The following SNX29 variants were observed in gnomAD, a reference collection of about 807,000 sequenced individuals.
SNX29 encodes the protein sorting nexin-29.
In SNX29, 78 loss-of-function variants were observed where a neutral mutation model predicts 102.1. The observed-to-expected ratio is 0.76, with a 90% CI of 0.64 to 0.92. The LOEUF (loss-of-function observed/expected upper bound fraction) is 0.92, where lower values mean the gene tolerates loss of function less well. Ranked by LOEUF, SNX29 falls within the 40% of genes least tolerant of loss-of-function variation. The probability of loss-of-function intolerance (pLI) is 0.00; values close to 1 mark genes in which losing one functional copy is unlikely to be tolerated. For missense variants in SNX29, 1,280 were observed against 1,061.7 expected, an observed-to-expected ratio of 1.21 and a Z score of -2.86; for synonymous variants, 580 against 414.5, an observed-to-expected ratio of 1.40 and a Z score of -4.85.
In SNX29 at chr16:12,303,304, G is replaced by T. The variant is rs558584027; in HGVS notation, c.1782+25268G>T. ...CAGGAGAAACACAGCCATGTTCACA[G>T]CATCGCTCACGATGGCAAAACATTC... On this transcript the variant is annotated intron_variant, in intron 15 of 20. Transcript: ENST00000566228. Among the ~76,000 whole-genome samples, 20 of 152,334 alleles carry T rather than the reference G, an allele frequency of 1.3e-4. No homozygotes were observed. In the South Asian group the frequency reaches 4.1e-3, roughly 32 times the overall value.
At chr16:12,072,874 A>G (rs2051366892) in intron 10 of SNX29, among the ~76,000 whole-genome samples, 2 of 152,060 alleles carry the variant, frequency 1.3e-5, no homozygotes, top group Admixed American at 6.6e-5. Flanking sequence ...CAGAGATTCA[A>G]CTTCTTCCTG....
At position 12,477,770 on chromosome 16, in the gene SNX29, G is replaced by A. The variant is rs2087723322; in HGVS notation, c.2089G>A (p.Glu697Lys). The change falls in exon 19 of 21, where the codon GAG becomes AAG. Residue 697 changes from glutamate (E) to lysine (K), a missense_variant. By Grantham distance (56) the Glu-to-Lys change is moderately conservative (BLOSUM62 1). Transcript: ENST00000566228. ...ATGGAATATTTATCGCCGGTATACA[G>A]AGTTCAGGAGTTTGCACCACAAGTT... ...DEWNIYRRYT[E>K]FRSLHHKLQN... 6.2e-7 allele frequency: 1 copy of A among 1,613,258 alleles called. No individual in the cohort carries two copies. Among genetic ancestry groups the A allele is most frequent in the Non-Finnish European group, 8.5e-7 (1 of 1,179,716 alleles).
chr16:12,126,316 T>C (rs532939585), intron 11 of SNX29, among the ~76,000 whole-genome samples: 1 of 152,352 alleles, frequency 6.6e-6, no homozygotes. Flanking sequence ...TACTGAATTC[T>C]TACAACACTT....
At chr16:12,544,780 T>G (rs1430188925) in intron 20 of SNX29, among the ~76,000 whole-genome samples, 1 of 152,196 alleles carries the variant, frequency 6.6e-6, no homozygotes, top group African/African-American at 2.4e-5. Context: ...GCTGGTAAAC[T>G]GCAGAGCCAG....
At chr16:12,456,924 G>T (rs1470319124) in intron 18 of SNX29, among the ~76,000 whole-genome samples, 1 of 152,128 alleles carries the variant, frequency 6.6e-6, no homozygotes, top group Non-Finnish European at 1.5e-5. Context: ...TCTGCCGATG[G>T]CCTCCAGAGA....
At chr16:12,559,882 G>GGCAGGAGAATGGCATGAAT (rs1358177113) in intron 20 of SNX29, among the ~76,000 whole-genome samples, 6 of 152,302 alleles carry the variant, frequency 3.9e-5, no homozygotes, top group Non-Finnish European at 8.8e-5. Flanking sequence ...CAGAGGCTGA[G>GGCAGGAGAATGGCATGAAT]GCAGGAGAAT....
chr16:12,348,654 A>T (rs2081899461), intron 15 of SNX29, among the ~76,000 whole-genome samples: 1 of 152,038 alleles, frequency 6.6e-6, no homozygotes, highest in Non-Finnish European at 1.5e-5. Context: ...GTACCTTGAG[A>T]TGCTAGCTCA....
intron 20 of SNX29, among the ~76,000 whole-genome samples, chr16:12,531,213 C>T (rs903296831): frequency 6.6e-6 from 1 of 152,108 alleles, no homozygotes; most frequent in East Asian, 1.9e-4. Context: ...GCAGGGAGCC[C>T]CAAGTCATCC....
intron 20 of SNX29, among the ~76,000 whole-genome samples, chr16:12,537,033 A>G (rs1292610205): frequency 1.3e-5 from 2 of 152,210 alleles, no homozygotes; most frequent in Non-Finnish European, 2.9e-5. Flanking sequence ...GGGAGCACAC[A>G]GCAAGCACAT....
intron 20 of SNX29, among the ~76,000 whole-genome samples, chr16:12,551,030 A>C (rs780631267): frequency 4.6e-5 from 7 of 152,192 alleles, no homozygotes; most frequent in Non-Finnish European, 7.3e-5. Flanking sequence ...ATGGGCTTCT[A>C]AACAAGGTGT....
intron 14 of SNX29, among the ~76,000 whole-genome samples, chr16:12,268,425 C>T (rs533219895): frequency 6.6e-5 from 10 of 152,360 alleles, no homozygotes; most frequent in East Asian, 1.9e-4. Flanking sequence ...TCTGTTTCAT[C>T]GCAGAGCTCC....
At chr16:12,412,101 C>T (rs989455775) in intron 18 of SNX29, among the ~76,000 whole-genome samples, 5 of 152,116 alleles carry the variant, frequency 3.3e-5, no homozygotes, top group East Asian at 1.9e-4. Flanking sequence ...AGTTCAAGGG[C>T]GGTTACATGA....
chr16:12,553,604 C>G (rs914334245), intron 20 of SNX29, among the ~76,000 whole-genome samples: 1 of 127,080 alleles, frequency 7.9e-6, no homozygotes, highest in African/African-American at 2.9e-5. Context: ...CCCCCCACCC[C>G]TGCAAGATGG....
At position 12,573,414 on chromosome 16, in the gene SNX29, AAG is replaced by A. The variant is rs1410525999; in HGVS notation, c.*4787_*4788del. ...AGCTAGTTTCTATAGAGAAGTGAAA[AAG>A]AAATCTGGCTTCCTTAATAAGATAG... On this transcript the variant is annotated 3_prime_UTR_variant, in exon 21 of 21. Transcript: ENST00000566228. 7 of 223,422 alleles carry A rather than the reference AAG, an allele frequency of 3.1e-5. No individual in the cohort carries two copies. Among genetic ancestry groups the A allele is most frequent in the South Asian group, 1.8e-4 (1 of 5,444 alleles). The allele number at this position is 223,422 out of a possible 1,614,324, so 13.8% of individuals were successfully genotyped here.
chr16:12,572,835 G>GCCTCAT lies in SNX29; in HGVS notation c.*4207_*4212dup. ...GTTAGGAGGCATCCCAGAAGGGGCA[G>GCCTCAT]CCTCATGCCCAGGTTTCAGCCCTAA... On this transcript the variant is annotated 3_prime_UTR_variant, in exon 21 of 21. Transcript: ENST00000566228. 9.4e-7 allele frequency: 1 copy of GCCTCAT among 1,063,928 alleles called. No individual in the cohort carries two copies. Among genetic ancestry groups the GCCTCAT allele is most frequent in the Non-Finnish European group, 1.1e-6 (1 of 878,386 alleles). 65.9% of individuals were successfully genotyped at this position (1,063,928 alleles called of 1,614,324 possible).
At chr16:12,464,939 A>G (rs945468158) in intron 18 of SNX29, among the ~76,000 whole-genome samples, 2 of 152,232 alleles carry the variant, frequency 1.3e-5, no homozygotes, top group Admixed American at 1.3e-4. Flanking sequence ...GAGAAGGGCC[A>G]TCCTAACAGG....
intron 20 of SNX29, among the ~76,000 whole-genome samples, chr16:12,548,121 C>G (rs1006757175): frequency 3.3e-5 from 5 of 152,210 alleles, no homozygotes; most frequent in Admixed American, 6.5e-5. Context: ...TTTCTTGGGA[C>G]AAGTAGGAAT....
Position 12,141,141 on chromosome 16 carries a change from G to C in SNX29, c.1595+11383G>C, listed in dbSNP as rs79312523. On this transcript the variant is annotated intron_variant, in intron 13 of 20. Transcript: ENST00000566228. Reference sequence around the variant, plus strand: ...TCTTTAGAAGGAGTCCAGAAAAAGAGCAGAGAGTGGGTGAACCGTAAAGTA... The same window carrying C: ...TCTTTAGAAGGAGTCCAGAAAAAGACCAGAGAGTGGGTGAACCGTAAAGTA... 8.0e-3 allele frequency among the ~76,000 whole-genome samples: 1,218 copies of C among 152,348 alleles called. 17 individuals carry two copies. The highest frequency in any genetic ancestry group is 0.028 in the African/African-American group (1,160 of 41,576).
At chr16:12,226,181 G>A (rs1319177838) in intron 14 of SNX29, among the ~76,000 whole-genome samples, 1 of 152,204 alleles carries the variant, frequency 6.6e-6, no homozygotes, top group African/African-American at 2.4e-5. Flanking sequence ...TGTGTTTAAT[G>A]TTAATAGGCA....
Sources: allele counts gnomAD v4.1 joint callset (sites outside exome capture counted in the v4.1 genomes callset), GRCh38; gene constraint gnomAD v4.1.1; transcripts MANE v1.5; gene names NCBI Gene and HGNC (gene_info 2026-07-23, HGNC 2026-07-21).